AATK: variants seen among roughly 807,000 people sequenced by gnomAD.
The protein encoded by AATK is lemur tail kinase 1.
Under a neutral mutation model 114.3 loss-of-function variants are expected in AATK, and 91 were observed. The observed-to-expected ratio is 0.80, with a 90% CI of 0.67 to 0.95. AATK has a LOEUF of 0.95. AATK is among the 40% of genes least tolerant of loss of function. The probability of loss-of-function intolerance (pLI) is 0.00; values close to 1 mark genes in which losing one functional copy is unlikely to be tolerated. For synonymous variants in AATK, 1,075 were observed against 916.5 expected, an observed-to-expected ratio of 1.17 and a Z score of -3.12; for missense variants, 2,176 against 1,965.2, an observed-to-expected ratio of 1.11 and a Z score of -2.03.
Position 81,119,370 on chromosome 17 carries a change from C to T in AATK, c.4084+10G>A, listed in dbSNP as rs758438870. 5 of 1,572,498 alleles carry T rather than the reference C, an allele frequency of 3.2e-6. No individual in the cohort carries two copies. The highest frequency in any genetic ancestry group is 4.3e-6 in the Non-Finnish European group (5 of 1,165,874). ...CGTGCCCTTCTGCCACAGCCCCGCCCAGGCCTCACCTCTCTTGGACTCGGC... is the reference window on the plus strand; with the variant it reads ...CGTGCCCTTCTGCCACAGCCCCGCCTAGGCCTCACCTCTCTTGGACTCGGC... On this transcript the variant is annotated intron_variant, in intron 13 of 13. Coordinates refer to ENST00000326724, the MANE Select transcript of AATK (RefSeq NM_001080395.3).
chr17:81,165,781 G>C, intron 1 of AATK, 157 bp downstream of exon 1: 7 of 1,506,882 alleles, frequency 4.6e-6, no homozygotes, highest in Non-Finnish European at 6.2e-6. Flanking sequence ...GCCCCTCCGA[G>C]ATCTGGGGCC....
chr17:81,157,795 G>A (rs2061384648), intron 1 of AATK, among the ~76,000 whole-genome samples: 1 of 152,212 alleles, frequency 6.6e-6, no homozygotes, highest in Non-Finnish European at 1.5e-5. Flanking sequence ...GCCTCCAAGG[G>A]GCAGGCAGCT....
At chr17:81,129,414 G>A (rs1398518895) in intron 3 of AATK, among the ~76,000 whole-genome samples, 1 of 152,194 alleles carries the variant, frequency 6.6e-6, no homozygotes, top group African/African-American at 2.4e-5. Flanking sequence ...GACCATGGGT[G>A]CTGAGACAGT....
intron 1 of AATK, among the ~76,000 whole-genome samples, chr17:81,139,904 T>A (rs2061097484): frequency 6.6e-6 from 1 of 152,212 alleles, no homozygotes; most frequent in Non-Finnish European, 1.5e-5. Flanking sequence ...AACCAGGGCC[T>A]CACCCATGGT....
intron 2 of AATK, 98 bp downstream of exon 2, chr17:81,134,270 T>A: frequency 2.6e-6 from 4 of 1,510,228 alleles, no homozygotes; most frequent in Non-Finnish European, 3.6e-6. Flanking sequence ...AGCAGCCACC[T>A]TGATGGCCCC....
intron 1 of AATK, among the ~76,000 whole-genome samples, chr17:81,163,856 AG>A (rs1248767140): frequency 6.6e-6 from 1 of 152,224 alleles, no homozygotes; most frequent in African/African-American, 2.4e-5. Context: ...GCAGCGGGGC[AG>A]GGCCTGGCAA....
chr17:81,127,545 C>A, intron 6 of AATK, 38 bp downstream of exon 6: 1 of 1,557,550 alleles, frequency 6.4e-7, no homozygotes, highest in East Asian at 2.4e-5. Flanking sequence ...GGCCCCGGCT[C>A]AGCAAAGACC....
At chr17:81,143,013 C>T (rs906500499) in intron 1 of AATK, among the ~76,000 whole-genome samples, 2 of 152,250 alleles carry the variant, frequency 1.3e-5, no homozygotes, top group Non-Finnish European at 2.9e-5. Flanking sequence ...GCTCAAAACA[C>T]AGGCGTGGTC....
At position 81,126,019 on chromosome 17, in the gene AATK, C is replaced by T. The variant is rs73367959; in HGVS notation, c.755+408G>A. On this transcript the variant is annotated intron_variant, in intron 7 of 13. Transcript: ENST00000326724. The surrounding 1 kb of genome is among the most constrained non-coding windows in gnomAD (Gnocchi z 5.1). ...CGCCACTTCTTCCAGCATGTCCCCC[C>T]GGGGTCCCCAGGGGCTGGGCATCCT... 6.9e-3 allele frequency: 3,304 copies of T among 478,296 alleles called. 89 individuals are homozygous for T. Among genetic ancestry groups the T allele is most frequent in the African/African-American group, 0.058 (2,945 of 50,440 alleles). The allele number at this position is 478,296 out of a possible 1,614,324, so 29.6% of individuals were successfully genotyped here. A position where few individuals can be genotyped will look rare whatever the true frequency, so the allele number is the denominator to read the frequency against.
chr17:81,131,946 G>A (rs1455221931), intron 2 of AATK: 1 of 1,341,954 alleles, frequency 7.5e-7, no homozygotes, highest in Non-Finnish European at 9.9e-7. Flanking sequence ...TTCACCTGGT[G>A]GCCACACCAC....
intron 1 of AATK, among the ~76,000 whole-genome samples, chr17:81,148,810 G>A (rs8073537): frequency 0.36 from 54,851 of 150,336 alleles, 9,995 homozygotes; most frequent in African/African-American, 0.38. Context: ...ACACACTCAC[G>A]CGCACACTCA....
chr17:81,139,329 T>C (rs894166539), intron 1 of AATK, among the ~76,000 whole-genome samples: 4 of 152,194 alleles, frequency 2.6e-5, no homozygotes, highest in African/African-American at 9.7e-5. Flanking sequence ...GAGGCCTCTG[T>C]AGGGTCTGCT....
chr17:81,123,913 T>C (rs1030872952), intron 9 of AATK, among the ~76,000 whole-genome samples: 6 of 151,198 alleles, frequency 4.0e-5, no homozygotes, highest in African/African-American at 1.5e-4. Context: ...GGCTGCAGAG[T>C]GAGACAGAGG....
intron 13 of AATK, among the ~76,000 whole-genome samples, chr17:81,119,178 T>G (rs28582026): frequency 1.3e-5 from 1 of 76,430 alleles, no homozygotes; most frequent in East Asian, 4.3e-4. Flanking sequence ...GAGGGTCAGG[T>G]GAGGGTCAGG....
Position 81,122,926 on chromosome 17 carries a change from C to T in AATK, c.1113-103G>A, listed in dbSNP as rs1033266964. ...CCCCTAACTCCCAGTGTCTTGGGGG[C>T]ATTAAGGGTATCTCCCACTTAATTG... is the stretch of plus-strand genomic sequence containing the variant. On this transcript the variant is annotated intron_variant, in intron 10 of 13. Coordinates refer to ENST00000326724, the MANE Select transcript of AATK (RefSeq NM_001080395.3). 84 of 1,119,018 alleles carry T rather than the reference C, an allele frequency of 7.5e-5. No individual in the cohort carries two copies. The South Asian group carries it at 1.4e-3, about 18-fold the overall frequency. The allele number at this position is 1,119,018 out of a possible 1,614,324, so 69.3% of individuals were successfully genotyped here.
intron 1 of AATK, 166 bp downstream of exon 1, chr17:81,165,772 C>T (rs1379259100): frequency 4.6e-6 from 7 of 1,510,004 alleles, no homozygotes; most frequent in African/African-American, 4.2e-5. Context: ...CCAGGGCCTG[C>T]CCCTCCGAGA....
At chr17:81,138,361 A>G (rs1219582597) in intron 1 of AATK, among the ~76,000 whole-genome samples, 2 of 145,182 alleles carry the variant, frequency 1.4e-5, no homozygotes, top group Non-Finnish European at 3.0e-5. Context: ...CCACGCACAC[A>G]CACTCCCATG....
rs761563204 is a variant in AATK at position 81,121,584 on chromosome 17, C to G, written c.2352G>C (p.Thr784=). Reference sequence around the variant, plus strand: ...GGGGTCCGGTAGTGCCCTCAGCCTCCGTGGCAAGCTTGGGCTCTGCCTGCG... The same window carrying G: ...GGGGTCCGGTAGTGCCCTCAGCCTCGGTGGCAAGCTTGGGCTCTGCCTGCG... ...DHPQAEPKLA[T]EAEGTTGPRL... Residue 784 remains threonine (T), a synonymous_variant, in exon 11 of 14, where the codon ACG becomes ACC. Coordinates refer to ENST00000326724, the MANE Select transcript of AATK (RefSeq NM_001080395.3). 1.0e-5 allele frequency: 15 copies of G among 1,507,428 alleles called. No homozygotes were observed. Among genetic ancestry groups the G allele is most frequent in the East Asian group, 2.3e-5 (1 of 43,196 alleles). The allele number at this position is 1,507,428 out of a possible 1,614,324, so 93.4% of individuals were successfully genotyped here. A position where few individuals can be genotyped will look rare whatever the true frequency, so the allele number is the denominator to read the frequency against.
In AATK at chr17:81,126,369, C is replaced by T; in HGVS notation, c.755+58G>A. On this transcript the variant is annotated intron_variant, in intron 7 of 13. Transcript: ENST00000326724. The surrounding 1 kb of genome is among the most constrained non-coding windows in gnomAD (Gnocchi z 5.1). ...AGGCAGGACCCGCCCTATGCCCTTC[C>T]TTCAGGGGAGGGGCCTGGCCTAGGG... 1 of 1,517,380 alleles carries T rather than the reference C, an allele frequency of 6.6e-7. No individual in the cohort carries two copies. The highest frequency in any genetic ancestry group is 8.9e-7 in the Non-Finnish European group (1 of 1,126,372). The allele number at this position is 1,517,380 out of a possible 1,614,324, so 94.0% of individuals were successfully genotyped here.
Sources: gnomAD v4.1 joint callset for allele counts (sites outside exome capture counted in the v4.1 genomes callset) on GRCh38, gnomAD v4.1.1 for gene constraint, Gnocchi (gnomAD v3.1) non-coding constraint, MANE v1.5 for transcripts, NCBI Gene and HGNC (gene_info 2026-07-23, HGNC 2026-07-21) for gene names.